The following BBS9 variants were observed in gnomAD, a reference collection of about 807,000 sequenced individuals.
BBS9 encodes the protein protein PTHB1.
A neutral mutation model predicts 117.7 loss-of-function variants in BBS9; 89 were observed. The observed-to-expected ratio is 0.76, with a 90% CI of 0.64 to 0.90. BBS9 has a LOEUF of 0.90. BBS9 is among the 40% of genes least tolerant of loss of function. BBS9 has a pLI of 0.00. For missense variants in BBS9, 982 were observed against 1,042.2 expected, an observed-to-expected ratio of 0.94 and a Z score of 0.80; for synonymous variants, 379 against 370.9, an observed-to-expected ratio of 1.02 and a Z score of -0.25.
At chr7:33,276,566 A>G (rs527476697) in intron 9 of BBS9, among the ~76,000 whole-genome samples, 1 of 152,182 alleles carries the variant, frequency 6.6e-6, no homozygotes, top group African/African-American at 2.4e-5. Context: ...ACAGGGGGGA[A>G]GTTGGAATAG....
intron 9 of BBS9, among the ~76,000 whole-genome samples, chr7:33,317,906 T>C (rs1186195725): frequency 6.6e-6 from 1 of 152,110 alleles, no homozygotes; most frequent in Non-Finnish European, 1.5e-5. Flanking sequence ...AAAAATTAGC[T>C]GGGGATGGTG....
At chr7:33,449,132 C>G (rs1217238472) in intron 19 of BBS9, among the ~76,000 whole-genome samples, 5 of 152,168 alleles carry the variant, frequency 3.3e-5, no homozygotes, top group African/African-American at 1.2e-4. Flanking sequence ...AACCCAGGTC[C>G]TGAGTCCTTG....
chr7:33,577,282 G>GC (rs1859072711), intron 21 of BBS9, among the ~76,000 whole-genome samples: 1 of 152,070 alleles, frequency 6.6e-6, no homozygotes, highest in Non-Finnish European at 1.5e-5. Flanking sequence ...GTTTATGCAG[G>GC]CAACAGACAC....
chr7:33,356,928 C>T (rs1303825137), intron 15 of BBS9, among the ~76,000 whole-genome samples: 2 of 151,802 alleles, frequency 1.3e-5, no homozygotes, highest in East Asian at 1.9e-4. Context: ...CACTATGGCA[C>T]GGCATAGGCT....
chr7:33,431,310 C>T (rs1834425883), intron 19 of BBS9, among the ~76,000 whole-genome samples: 1 of 151,942 alleles, frequency 6.6e-6, no homozygotes, highest in African/African-American at 2.4e-5. Flanking sequence ...AGATTTTTGA[C>T]TAGGGGAAGG....
At chr7:33,361,768 T>C (rs1422983865) in intron 16 of BBS9, among the ~76,000 whole-genome samples, 1 of 152,132 alleles carries the variant, frequency 6.6e-6, no homozygotes, top group East Asian at 1.9e-4. Flanking sequence ...TTTCATGTTA[T>C]GCCTGCAATG....
At chr7:33,363,423 C>T (rs989628446) in intron 16 of BBS9, among the ~76,000 whole-genome samples, 2 of 152,166 alleles carry the variant, frequency 1.3e-5, no homozygotes, top group African/African-American at 2.4e-5. Context: ...TTTCTTATAT[C>T]AATCTTGTAT....
intron 5 of BBS9, among the ~76,000 whole-genome samples, chr7:33,210,999 C>G (rs550759041): frequency 6.6e-6 from 1 of 152,266 alleles, no homozygotes; most frequent in East Asian, 1.9e-4. Context: ...TCTGGCTCTT[C>G]TTTTGATTTC....
intron 20 of BBS9, among the ~76,000 whole-genome samples, chr7:33,529,294 A>C (rs945029721): frequency 1.3e-5 from 2 of 152,214 alleles, no homozygotes; most frequent in Admixed American, 6.5e-5. Flanking sequence ...TGGAGAAGTC[A>C]GGTAGCAGGC....
At chr7:33,272,761 T>C (rs1339605924) in intron 7 of BBS9, among the ~76,000 whole-genome samples, 2 of 152,084 alleles carry the variant, frequency 1.3e-5, no homozygotes, top group Non-Finnish European at 2.9e-5. Flanking sequence ...CAGATAAGTG[T>C]TTTAGTGTTC....
At chr7:33,322,860 G>C (rs1038663180) in intron 9 of BBS9, among the ~76,000 whole-genome samples, 1 of 151,978 alleles carries the variant, frequency 6.6e-6, no homozygotes, top group African/African-American at 2.4e-5. Flanking sequence ...CTTTTTAACT[G>C]TAGATGCTTA....
rs116110771 is a variant in BBS9 at position 33,383,613 on chromosome 7, T to G, written c.1790-53T>G. On this transcript the variant is annotated intron_variant, in intron 17 of 22. Transcript: ENST00000242067. The stretch of plus-strand genomic sequence containing the variant: ...AGGATTAGTGATAGTTCATGTAGCT[T>G]TATCTAGTAATTCTGTGTTACTAAG... 1,491 of 1,475,710 alleles carry G rather than the reference T, an allele frequency of 1.0e-3. 15 individuals are homozygous for G. The African/African-American group carries it at 0.017, about 17-fold the overall frequency. The allele number at this position is 1,475,710 out of a possible 1,614,324, so 91.4% of individuals were successfully genotyped here. A position where few individuals can be genotyped will look rare whatever the true frequency, so the allele number is the denominator to read the frequency against.
chr7:33,273,720 A>G (rs1800228295), intron 8 of BBS9, 107 bp from the exon 9 acceptor site: 1 of 1,009,408 alleles, frequency 9.9e-7, no homozygotes, highest in Non-Finnish European at 1.5e-6. Context: ...TTTATGTATT[A>G]AAATCCAGGT....
intron 21 of BBS9, chr7:33,534,389 T>G (rs1585160751): frequency 1.7e-6 from 1 of 600,210 alleles, no homozygotes; most frequent in Non-Finnish European, 3.0e-6. Context: ...ATGGTATGTC[T>G]TTTTTCTTCT....
chr7:33,487,488 A>G (rs111969250), intron 19 of BBS9, among the ~76,000 whole-genome samples: 298 of 152,340 alleles, frequency 2.0e-3, no homozygotes, highest in African/African-American at 6.7e-3. Flanking sequence ...GCAAGTTAAT[A>G]TTACTTTGCT....
At chr7:33,309,765 C>T (rs772996370) in intron 9 of BBS9, among the ~76,000 whole-genome samples, 7 of 152,092 alleles carry the variant, frequency 4.6e-5, no homozygotes, top group African/African-American at 4.8e-5. Context: ...TAGAAGGATC[C>T]GGCCATGTGG....
chr7:33,434,269 C>T (rs1834959447), intron 19 of BBS9, among the ~76,000 whole-genome samples: 1 of 149,922 alleles, frequency 6.7e-6, no homozygotes. Flanking sequence ...ATTCTAATTT[C>T]CTGTTTGCTA....
intron 4 of BBS9, among the ~76,000 whole-genome samples, chr7:33,168,303 C>T (rs116531667): frequency 6.6e-6 from 1 of 152,166 alleles, no homozygotes; most frequent in South Asian, 2.1e-4. Flanking sequence ...AATGGTCATT[C>T]GTTTAGCCAA....
At chr7:33,402,719 G>A (rs1013192160) in intron 19 of BBS9, among the ~76,000 whole-genome samples, 4 of 152,046 alleles carry the variant, frequency 2.6e-5, no homozygotes, top group African/African-American at 9.7e-5. Flanking sequence ...TTAGAATCAG[G>A]CAGTACCTGT....
Sources: allele counts gnomAD v4.1 joint callset (sites outside exome capture counted in the v4.1 genomes callset), GRCh38; gene constraint gnomAD v4.1.1; transcripts MANE v1.5; gene names NCBI Gene and HGNC (gene_info 2026-07-23, HGNC 2026-07-21).